TNR: variants seen among roughly 807,000 people sequenced by gnomAD.
TNR encodes the protein tenascin R.
Under a neutral mutation model 150.4 loss-of-function variants are expected in TNR, and 45 were observed. That is an observed-to-expected ratio of 0.30 (90% CI 0.24 to 0.38). TNR has a LOEUF of 0.38. Among genes scored for constraint, TNR ranks in the 10% least tolerant of loss-of-function variants. TNR has a pLI of 1.00. For missense variants in TNR, 1,544 were observed against 1,759.1 expected (o/e 0.88, Z 2.19); for synonymous variants, 687 against 678.4 (o/e 1.01, Z -0.20).
At chr1:175,392,634 T>G (rs912294706) in intron 6 of TNR, among the ~76,000 whole-genome samples, 5 of 152,148 alleles carry the variant, frequency 3.3e-5, no homozygotes, top group African/African-American at 2.4e-5. Flanking sequence ...ATAGGACACA[T>G]TTGTATAGAT....
rs771255338 is a variant in TNR, at chr1:175,319,898, A to G, written c.*3459T>C. 1 of 150,976 alleles carries G rather than the reference A, an allele frequency of 6.6e-6. No homozygotes were observed. The highest frequency in any genetic ancestry group is 1.5e-5 in the Non-Finnish European group (1 of 67,590). 9.4% of individuals were successfully genotyped at this position (150,976 alleles called of 1,614,324 possible). On this transcript the variant is annotated 3_prime_UTR_variant, in exon 23 of 23. Transcript: ENST00000367674. The stretch of plus-strand genomic sequence containing the variant: ...GCCAACAGTTTTCCACAGACTTGTC[A>G]TTCTTGCCACCTCTTCTACACCTGA...
intron 18 of TNR, among the ~76,000 whole-genome samples, chr1:175,343,300 C>G (rs1393697168): frequency 6.6e-6 from 1 of 152,162 alleles, no homozygotes; most frequent in African/African-American, 2.4e-5. Context: ...TGGAAAAGGC[C>G]AAACTTACTC....
At chr1:175,661,689 A>G (rs1035645676) in intron 1 of TNR, among the ~76,000 whole-genome samples, 3 of 152,144 alleles carry the variant, frequency 2.0e-5, no homozygotes, top group African/African-American at 7.2e-5. Flanking sequence ...GCCACACTGC[A>G]CATGCCTCCT....
intron 2 of TNR, among the ~76,000 whole-genome samples, chr1:175,478,287 G>A (rs969856067): frequency 2.0e-5 from 3 of 152,124 alleles, no homozygotes; most frequent in African/African-American, 7.2e-5. Context: ...TCCACATGGA[G>A]CAACATTAGT....
At chr1:175,728,724 G>A (rs1667545894) in intron 1 of TNR, among the ~76,000 whole-genome samples, 1 of 152,172 alleles carries the variant, frequency 6.6e-6, no homozygotes, top group Non-Finnish European at 1.5e-5. Context: ...ATTTTAATAG[G>A]CTATAGGGCA....
rs920549362 is a variant in TNR at position 175,743,234 on chromosome 1, G to T, written c.-173C>A. 1 of 152,308 alleles carries T rather than the reference G, an allele frequency of 6.6e-6. No homozygotes were observed. Among genetic ancestry groups the T allele is most frequent in the Non-Finnish European group, 1.5e-5 (1 of 68,140 alleles). The allele number at this position is 152,308 out of a possible 1,614,324, so 9.4% of individuals were successfully genotyped here. The stretch of plus-strand genomic sequence containing the variant: ...GAGTGCTCTGGACTTACCCAGGCTG[G>T]GGGTGGGCGGCCGGGGAGCGAGAGG... On this transcript the variant is annotated 5_prime_UTR_variant, in exon 1 of 23. Transcript: ENST00000367674.
At position 175,542,567 on chromosome 1, in the gene TNR, A is replaced by G. The variant is rs75183384; in HGVS notation, c.-164-14198T>C. ...CTGACAGAGCCCTAATAGAGGATAAAGGCATTTCCCACCCACACCTCCAAG... is the reference window on the plus strand; with the variant it reads ...CTGACAGAGCCCTAATAGAGGATAAGGGCATTTCCCACCCACACCTCCAAG... On this transcript the variant is annotated intron_variant, in intron 1 of 22. Coordinates refer to ENST00000367674, the MANE Select transcript of TNR (RefSeq NM_003285.3). 9.6e-3 allele frequency among the ~76,000 whole-genome samples: 1,464 copies of G among 152,322 alleles called. 18 individuals carry two copies. The highest frequency in any genetic ancestry group is 0.032 in the African/African-American group (1,343 of 41,568).
At chr1:175,640,887 C>G (rs1180373669) in intron 1 of TNR, among the ~76,000 whole-genome samples, 1 of 151,642 alleles carries the variant, frequency 6.6e-6, no homozygotes, top group African/African-American at 2.4e-5. Flanking sequence ...ATGTGTAACC[C>G]CTGTCCTACC....
At chr1:175,674,199 G>T (rs1665788826) in intron 1 of TNR, among the ~76,000 whole-genome samples, 1 of 152,202 alleles carries the variant, frequency 6.6e-6, no homozygotes, top group African/African-American at 2.4e-5. Context: ...CTGGGGAAAA[G>T]TTAAAGGAAA....
intron 2 of TNR, among the ~76,000 whole-genome samples, chr1:175,436,564 C>G (rs1374083358): frequency 1.3e-5 from 2 of 152,020 alleles, no homozygotes; most frequent in African/African-American, 4.8e-5. Context: ...CTAAATGCCC[C>G]AATTAAAAGA....
rs1350224336 is a variant in TNR at position 175,331,068 on chromosome 1, T to TC, written c.3632-834dup. On this transcript the variant is annotated intron_variant, in intron 20 of 22. Coordinates refer to ENST00000367674, the MANE Select transcript of TNR (RefSeq NM_003285.3). Reference sequence around the variant, plus strand: ...TTCTTTCTTTCTTTCTTTCTTTCTTTCTTTCTTTCCTTCTTTCTTTCTTTC... The same window carrying TC: ...TTCTTTCTTTCTTTCTTTCTTTCTTTCCTTTCTTTCCTTCTTTCTTTCTTTC... 2.1e-4 allele frequency among the ~76,000 whole-genome samples: 28 copies of TC among 133,320 alleles called. 1 individual carries two copies. The highest frequency in any genetic ancestry group is 8.7e-4 in the East Asian group (4 of 4,614). The allele number at this position is 133,320 out of a possible 152,430, so 87.5% of individuals were successfully genotyped here. A position where few individuals can be genotyped will look rare whatever the true frequency, so the allele number is the denominator to read the frequency against.
At chr1:175,585,848 G>C (rs1456451481) in intron 1 of TNR, among the ~76,000 whole-genome samples, 1 of 151,784 alleles carries the variant, frequency 6.6e-6, no homozygotes, top group Non-Finnish European at 1.5e-5. Context: ...ATTAATGAAG[G>C]GCCTAGAAAA....
chr1:175,388,654 A>T (rs577390744), intron 7 of TNR, among the ~76,000 whole-genome samples: 1 of 152,358 alleles, frequency 6.6e-6, no homozygotes, highest in East Asian at 1.9e-4. Flanking sequence ...AGGAGGTATC[A>T]ACTTGCTTTC....
chr1:175,669,800 A>G (rs907957589), intron 1 of TNR, among the ~76,000 whole-genome samples: 6 of 152,134 alleles, frequency 3.9e-5, no homozygotes, highest in African/African-American at 1.4e-4. Flanking sequence ...CCAAATACCA[A>G]TCTGAGTCAT....
intron 6 of TNR, among the ~76,000 whole-genome samples, chr1:175,393,500 G>A (rs1427991480): frequency 2.0e-5 from 3 of 152,188 alleles, no homozygotes; most frequent in African/African-American, 7.2e-5. Flanking sequence ...TCAGACCCCA[G>A]AGTTATCTCA....
At chr1:175,482,406 A>G (rs767962702) in intron 2 of TNR, among the ~76,000 whole-genome samples, 4 of 152,216 alleles carry the variant, frequency 2.6e-5, no homozygotes, top group Non-Finnish European at 5.9e-5. Flanking sequence ...AGTTAATTTT[A>G]TCCATGTTAG....
At chr1:175,374,854 C>T (rs1323796518) in intron 9 of TNR, among the ~76,000 whole-genome samples, 1 of 152,164 alleles carries the variant, frequency 6.6e-6, no homozygotes, top group African/African-American at 2.4e-5. Flanking sequence ...GGGCCTGGCT[C>T]CTTTTGCCTT....
chr1:175,550,073 G>A (rs1279107943), intron 1 of TNR, among the ~76,000 whole-genome samples: 2 of 152,202 alleles, frequency 1.3e-5, no homozygotes, highest in East Asian at 1.9e-4. Context: ...CAACAGAGGA[G>A]AGGTGGCCAA....
At chr1:175,680,542 TAG>T (rs1317792877) in intron 1 of TNR, among the ~76,000 whole-genome samples, 1 of 150,568 alleles carries the variant, frequency 6.6e-6, no homozygotes, top group Non-Finnish European at 1.5e-5. Flanking sequence ...GCCATCGGAG[TAG>T]AGAGATGAGA....
Sources: gnomAD v4.1 joint callset for allele counts (sites outside exome capture counted in the v4.1 genomes callset) on GRCh38, gnomAD v4.1.1 for gene constraint, MANE v1.5 for transcripts, NCBI Gene and HGNC (gene_info 2026-07-23, HGNC 2026-07-21) for gene names.